DAPK1: variants seen among roughly 807,000 people sequenced by gnomAD.
DAPK1 encodes death-associated protein kinase 1.
DAPK1 carries 56 observed loss-of-function variants against 144.9 expected under a neutral mutation model. The ratio of observed to expected loss-of-function variants is 0.39; its 90% CI spans 0.31 to 0.48. DAPK1 has a LOEUF of 0.48. Among genes scored for constraint, DAPK1 ranks in the 20% least tolerant of loss-of-function variants. The pLI is 0.95. For missense variants in DAPK1, 1,454 were observed against 1,875.4 expected, an observed-to-expected ratio of 0.78 and a Z score of 4.15; for synonymous variants, 690 against 749.0, an observed-to-expected ratio of 0.92 and a Z score of 1.29.
intron 2 of DAPK1, chr9:87,525,415 T>C: frequency 3.7e-6 from 6 of 1,611,174 alleles, no homozygotes; most frequent in Non-Finnish European, 5.1e-6. Flanking sequence ...ATGGCCTCAA[T>C]ATGTGCCGCC....
intron 2 of DAPK1, among the ~76,000 whole-genome samples, chr9:87,563,753 A>G (rs534909257): frequency 2.8e-4 from 42 of 152,278 alleles, no homozygotes; most frequent in African/African-American, 9.4e-4. Flanking sequence ...GACTGCAGAC[A>G]TGTGGCTGAG....
intron 19 of DAPK1, among the ~76,000 whole-genome samples, chr9:87,680,647 A>ACG (rs1480897373): frequency 5.7e-5 from 7 of 122,752 alleles, no homozygotes; most frequent in South Asian, 3.0e-4. Context: ...TCACACACAC[A>ACG]CACACGCGCA....
intron 7 of DAPK1, among the ~76,000 whole-genome samples, 160 bp from the exon 8 acceptor site, chr9:87,640,138 C>T (rs1472015503): frequency 6.6e-6 from 1 of 152,178 alleles, no homozygotes; most frequent in Non-Finnish European, 1.5e-5. Context: ...GAAGCTGAAG[C>T]ATTTGCTCCT....
At chr9:87,544,482 A>T (rs750897693) in intron 2 of DAPK1, among the ~76,000 whole-genome samples, 9 of 152,246 alleles carry the variant, frequency 5.9e-5, no homozygotes, top group Non-Finnish European at 1.2e-4. Context: ...GTGTGTATGC[A>T]TGCATACATA....
chr9:87,557,481 T>A (rs1296862297), intron 2 of DAPK1, among the ~76,000 whole-genome samples: 2 of 152,230 alleles, frequency 1.3e-5, no homozygotes, highest in African/African-American at 2.4e-5. Context: ...ATTAAGGAAT[T>A]ATGAATTTAA....
At chr9:87,540,017 G>T (rs1257695890) in intron 2 of DAPK1, among the ~76,000 whole-genome samples, 1 of 151,904 alleles carries the variant, frequency 6.6e-6, no homozygotes, top group Non-Finnish European at 1.5e-5. Context: ...TAAGTGAGAA[G>T]GTGGAAGTTC....
intron 2 of DAPK1, among the ~76,000 whole-genome samples, chr9:87,503,717 A>G (rs1824491130): frequency 6.6e-6 from 1 of 152,222 alleles, no homozygotes; most frequent in Non-Finnish European, 1.5e-5. Flanking sequence ...GGTGAAGATG[A>G]ACACTTAGGA....
intron 3 of DAPK1, among the ~76,000 whole-genome samples, chr9:87,622,697 G>A (rs1829343100): frequency 6.6e-6 from 1 of 152,126 alleles, no homozygotes; most frequent in Non-Finnish European, 1.5e-5. Flanking sequence ...GATTGCCTGA[G>A]CTCAGGAGTT....
chr9:87,622,014 G>A (rs1829312145), intron 3 of DAPK1, among the ~76,000 whole-genome samples: 1 of 150,512 alleles, frequency 6.6e-6, no homozygotes, highest in African/African-American at 2.4e-5. Flanking sequence ...TGCACATTGA[G>A]CCACCATTCT....
intron 2 of DAPK1, among the ~76,000 whole-genome samples, chr9:87,555,868 C>G (rs899589372): frequency 6.6e-6 from 1 of 152,212 alleles, no homozygotes; most frequent in Non-Finnish European, 1.5e-5. Context: ...TAACAAATTA[C>G]CGGCTAACTA....
chr9:87,516,761 A>G (rs778307330), intron 2 of DAPK1, among the ~76,000 whole-genome samples: 11 of 152,040 alleles, frequency 7.2e-5, no homozygotes, highest in Non-Finnish European at 1.2e-4. Flanking sequence ...GCACCCTGCG[A>G]TTGGGGCATT....
chr9:87,590,253 A>AT (rs1408612150), intron 2 of DAPK1, among the ~76,000 whole-genome samples: 5 of 151,898 alleles, frequency 3.3e-5, no homozygotes, highest in Non-Finnish European at 5.9e-5. Flanking sequence ...GGAGACTCGA[A>AT]TTTTTAAAAA....
chr9:87,502,489 C>T (rs533233101), intron 2 of DAPK1, among the ~76,000 whole-genome samples: 87 of 152,290 alleles, frequency 5.7e-4, no homozygotes, highest in African/African-American at 1.9e-3. Context: ...GTTGGCACCT[C>T]GGGCAGCTGC....
Position 87,650,033 on chromosome 9 carries a change from C to T in DAPK1, c.1541C>T (p.Pro514Leu). The T allele has an allele frequency of 6.2e-7, 1 of 1,614,142 alleles. No homozygotes were observed. The highest frequency in any genetic ancestry group is 1.1e-5 in the South Asian group (1 of 91,074). The change falls in exon 16 of 26, where the codon CCC becomes CTC. Residue 514 changes from proline (P) to leucine (L), a missense_variant. Transcript: ENST00000408954. ...ATCAAGAACCGAGAAGGAGAGACGC[C>T]CCTCCTGACAGCCTCTGCCAGGGGC... ...VNIKNREGET[P>L]LLTASARGYH...
rs762881204 is a variant in DAPK1 at position 87,605,035 on chromosome 9, G to A, written c.144G>A (p.Arg48=). ...QYAAKFIKKR[R]TKSSRRGVSR... is the part of the protein sequence containing the mutation. ...CCGCCAAATTCATCAAGAAAAGGAG[G>A]ACTAAGTCCAGCCGGCGGGGTGTGA... is the stretch of plus-strand genomic sequence containing the variant. The change falls in exon 3 of 26, where the codon AGG becomes AGA. Residue 48 remains arginine (R), a synonymous_variant. Coordinates refer to ENST00000408954, the MANE Select transcript of DAPK1 (RefSeq NM_004938.4). 2 of 1,614,072 alleles carry A rather than the reference G, an allele frequency of 1.2e-6. No homozygotes were observed. Among genetic ancestry groups the A allele is most frequent in the African/African-American group, 2.7e-5 (2 of 74,922 alleles).
intron 3 of DAPK1, among the ~76,000 whole-genome samples, chr9:87,614,195 A>G (rs1424836061): frequency 6.6e-6 from 1 of 152,194 alleles, no homozygotes; most frequent in Non-Finnish European, 1.5e-5. Flanking sequence ...CACTCACTGA[A>G]GTGGATTATT....
intron 3 of DAPK1, among the ~76,000 whole-genome samples, chr9:87,617,470 A>G (rs541353527): frequency 1.4e-4 from 21 of 152,186 alleles, no homozygotes; most frequent in African/African-American, 4.1e-4. Flanking sequence ...CACGTTTATA[A>G]TGGATGCAAT....
At chr9:87,585,052 G>A (rs1827900465) in intron 2 of DAPK1, among the ~76,000 whole-genome samples, 1 of 152,144 alleles carries the variant, frequency 6.6e-6, no homozygotes, top group Admixed American at 6.6e-5. Context: ...TCTTGCTTTG[G>A]AGTTGAGTAC....
rs1826995117 is a variant in DAPK1, at chr9:87,563,208, A to G, written c.63-41746A>G. 2.6e-5 allele frequency among the ~76,000 whole-genome samples: 4 copies of G among 152,362 alleles called. No individual in the cohort carries two copies. The South Asian group carries it at 8.3e-4, about 32-fold the overall frequency. ...GGTAAACTCCAATTTCTAAGTTTAT[A>G]AGTACATGCATTTGTCAGAATTTAG... On this transcript the variant is annotated intron_variant, in intron 2 of 25. Coordinates refer to ENST00000408954, the MANE Select transcript of DAPK1 (RefSeq NM_004938.4).
Sources: allele counts gnomAD v4.1 joint callset (sites outside exome capture counted in the v4.1 genomes callset), GRCh38; gene constraint gnomAD v4.1.1; transcripts MANE v1.5; gene names NCBI Gene and HGNC (gene_info 2026-07-23, HGNC 2026-07-21).